The following MYO5B variants were observed in gnomAD, a reference collection of about 807,000 sequenced individuals.
MYO5B encodes unconventional myosin-Vb.
In MYO5B, 143 loss-of-function variants were observed where a neutral mutation model predicts 229.3. The observed-to-expected ratio is 0.62, with a 90% CI of 0.54 to 0.72. The LOEUF is 0.72. Among genes scored for constraint, MYO5B ranks in the 30% least tolerant of loss-of-function variants. MYO5B has a pLI of 0.00. For synonymous variants in MYO5B, 918 were observed against 885.2 expected (o/e 1.04, Z -0.66); for missense variants, 2,321 against 2,331.0 (o/e 1.00, Z 0.09).
intron 1 of MYO5B, among the ~76,000 whole-genome samples, chr18:50,151,328 G>A (rs2032595295): frequency 1.3e-5 from 2 of 152,188 alleles, no homozygotes; most frequent in Admixed American, 6.5e-5. Context: ...TGGACTGACT[G>A]CACGTCACTC....
intron 4 of MYO5B, among the ~76,000 whole-genome samples, chr18:50,010,430 G>C (rs1030824912): frequency 6.6e-6 from 1 of 152,228 alleles, no homozygotes; most frequent in Non-Finnish European, 1.5e-5. Context: ...GGGAGACAGA[G>C]CACTGGTTAG....
intron 1 of MYO5B, among the ~76,000 whole-genome samples, chr18:50,061,842 A>G (rs1044474376): frequency 1.3e-5 from 2 of 152,242 alleles, no homozygotes; most frequent in Non-Finnish European, 2.9e-5. Flanking sequence ...CCCTGGAATT[A>G]ATAATAATGC....
intron 4 of MYO5B, among the ~76,000 whole-genome samples, chr18:50,021,718 T>TAAA (rs34172106): frequency 0.56 from 66,953 of 119,228 alleles, 20,146 homozygotes; most frequent in East Asian, 0.72. Context: ...CCCATCTGCG[T>TAAA]AAAAAAAAAA....
chr18:49,844,563 A>G (rs2024101788), intron 33 of MYO5B, among the ~76,000 whole-genome samples: 1 of 152,142 alleles, frequency 6.6e-6, no homozygotes, highest in African/African-American at 2.4e-5. Flanking sequence ...CTTGGGTTAC[A>G]TTGTCCCTGC....
chr18:49,900,613 G>T (rs1420837998), intron 21 of MYO5B, among the ~76,000 whole-genome samples: 1 of 152,176 alleles, frequency 6.6e-6, no homozygotes, highest in Non-Finnish European at 1.5e-5. Context: ...GCCCTACTGG[G>T]TCATGAGAAG....
Position 50,111,837 on chromosome 18 carries a change from T to G in MYO5B, c.28-56459A>C, listed in dbSNP as rs138261729. The stretch of plus-strand genomic sequence containing the variant: ...GAACTTCTGAAGACTCTGCCTCTTA[T>G]CAACTCATCCCCTCTTCCTATAAGG... On this transcript the variant is annotated intron_variant, in intron 1 of 39. Coordinates refer to ENST00000285039, the MANE Select transcript of MYO5B (RefSeq NM_001080467.3). Among the ~76,000 whole-genome samples, 115 of 152,316 alleles carry G rather than the reference T, an allele frequency of 7.6e-4. No homozygotes were observed. In the East Asian group the frequency reaches 9.5e-3, roughly 13 times the overall value.
intron 33 of MYO5B, 119 bp from the exon 34 acceptor site, chr18:49,843,511 G>C: frequency 7.7e-7 from 1 of 1,299,710 alleles, no homozygotes; most frequent in Non-Finnish European, 1.1e-6. Flanking sequence ...TCTAGGAATA[G>C]ATGTCTCAAA....
intron 31 of MYO5B, chr18:49,849,902 A>G (rs2024178004): frequency 1.9e-6 from 1 of 520,738 alleles, no homozygotes; most frequent in African/African-American, 1.9e-5. Flanking sequence ...CTCCCAGGTC[A>G]GGCTCTCTGG....
In MYO5B at chr18:50,097,055, T is replaced by A. The variant is rs528845416; in HGVS notation, c.28-41677A>T. On this transcript the variant is annotated intron_variant, in intron 1 of 39. Transcript: ENST00000285039. ...TGCATTGTCAGTCCAGTGAAATGACTTCATTTCCCAGGCAAGTCCCCAGAT... is the reference window on the plus strand; with the variant it reads ...TGCATTGTCAGTCCAGTGAAATGACATCATTTCCCAGGCAAGTCCCCAGAT... Among the ~76,000 whole-genome samples, 37 of 152,314 alleles carry A rather than the reference T, an allele frequency of 2.4e-4. 1 individual carries two copies. Among genetic ancestry groups the A allele is most frequent in the Admixed American group, 1.4e-3 (21 of 15,304 alleles).
At chr18:50,013,235 T>C (rs1272079692) in intron 4 of MYO5B, among the ~76,000 whole-genome samples, 2 of 152,114 alleles carry the variant, frequency 1.3e-5, no homozygotes, top group African/African-American at 4.8e-5. Context: ...CTCAGAAACA[T>C]CTCTAACAAA....
intron 1 of MYO5B, among the ~76,000 whole-genome samples, chr18:50,080,884 C>A (rs1279613360): frequency 2.6e-5 from 4 of 152,172 alleles, no homozygotes; most frequent in East Asian, 1.9e-4. Context: ...GGTCTTTCAT[C>A]ATTAAGTCAC....
intron 4 of MYO5B, among the ~76,000 whole-genome samples, chr18:50,006,868 T>C (rs1343143124): frequency 6.6e-6 from 1 of 152,198 alleles, no homozygotes; most frequent in Non-Finnish European, 1.5e-5. Context: ...AGTGTTATCT[T>C]GTTTGGGTTT....
chr18:50,064,092 T>C (rs1383099445), intron 1 of MYO5B: 1 of 152,280 alleles, frequency 6.6e-6, no homozygotes, highest in Non-Finnish European at 1.5e-5. Flanking sequence ...ATGCTCTCAC[T>C]TCAAGACTTC....
chr18:49,894,332 G>A (rs1446278092), intron 22 of MYO5B, among the ~76,000 whole-genome samples: 1 of 152,180 alleles, frequency 6.6e-6, no homozygotes, highest in Non-Finnish European at 1.5e-5. Context: ...AAGTCTGTGG[G>A]GGGGTCTCCA....
chr18:49,845,572 G>A (rs959848857), intron 33 of MYO5B, among the ~76,000 whole-genome samples: 14 of 152,154 alleles, frequency 9.2e-5, no homozygotes, highest in African/African-American at 2.7e-4. Flanking sequence ...ACAGCATTTC[G>A]CCTTTGACAC....
At chr18:50,126,765 C>T (rs2032170642) in intron 1 of MYO5B, among the ~76,000 whole-genome samples, 1 of 152,238 alleles carries the variant, frequency 6.6e-6, no homozygotes, top group Non-Finnish European at 1.5e-5. Flanking sequence ...TTCTAGCACA[C>T]TATGGCAGTG....
intron 26 of MYO5B, among the ~76,000 whole-genome samples, chr18:49,873,152 C>T (rs189700930): frequency 6.6e-6 from 1 of 152,224 alleles, no homozygotes; most frequent in Non-Finnish European, 1.5e-5. Context: ...TCTGGAATAA[C>T]AACTCACTAG....
At chr18:50,108,405 G>A (rs7230622) in intron 1 of MYO5B, among the ~76,000 whole-genome samples, 36,494 of 152,004 alleles carry the variant, frequency 0.24, 5,343 homozygotes, top group African/African-American at 0.42. Flanking sequence ...CCATTCATTC[G>A]CGCTATTGTG....
At chr18:49,926,042 A>C (rs1443528411) in intron 17 of MYO5B, among the ~76,000 whole-genome samples, 2 of 152,210 alleles carry the variant, frequency 1.3e-5, no homozygotes, top group Non-Finnish European at 2.9e-5. Context: ...TAAGGTCAAA[A>C]AATGAGAGGC....
Sources: gnomAD v4.1 joint callset for allele counts (sites outside exome capture counted in the v4.1 genomes callset) on GRCh38, gnomAD v4.1.1 for gene constraint, MANE v1.5 for transcripts, NCBI Gene and HGNC (gene_info 2026-07-23, HGNC 2026-07-21) for gene names.